SEMA3E: variants seen among roughly 807,000 people sequenced by gnomAD.
SEMA3E encodes semaphorin-3E.
In SEMA3E, 49 loss-of-function variants were observed where a neutral mutation model predicts 93.6. The ratio of observed to expected loss-of-function variants is 0.52; its 90% CI spans 0.42 to 0.66. The LOEUF is 0.66. Among genes scored for constraint, SEMA3E ranks in the 30% least tolerant of loss-of-function variants. SEMA3E has a pLI of 0.00. For missense variants in SEMA3E, 906 were observed against 964.8 expected, an observed-to-expected ratio of 0.94 and a Z score of 0.81; for synonymous variants, 363 against 330.7, an observed-to-expected ratio of 1.10 and a Z score of -1.06.
chr7:83,469,095 G>C (rs912275285), intron 3 of SEMA3E, 148 bp downstream of exon 3: 2 of 614,870 alleles, frequency 3.3e-6, no homozygotes, highest in Non-Finnish European at 5.7e-6. Flanking sequence ...ACATAATTAT[G>C]TTTTATATGC....
At position 83,517,155 on chromosome 7, in the gene SEMA3E, G is replaced by T. The variant is rs113817411; in HGVS notation, c.116-26881C>A. Among the ~76,000 whole-genome samples the T allele has an allele frequency of 4.3e-3, 658 of 152,204 alleles. 8 individuals carry two copies. Among genetic ancestry groups the T allele is most frequent in the African/African-American group, 0.015 (633 of 41,530 alleles). ...GCACATGCATTTAAATTGAGCATCT[G>T]CATTAACAGGAAAGTCTTCAGCAAT... On this transcript the variant is annotated intron_variant, in intron 1 of 16. Coordinates refer to ENST00000643230, the MANE Select transcript of SEMA3E (RefSeq NM_012431.3).
chr7:83,588,775 C>T (rs563005881), intron 1 of SEMA3E, among the ~76,000 whole-genome samples: 2 of 152,208 alleles, frequency 1.3e-5, no homozygotes, highest in East Asian at 1.9e-4. Flanking sequence ...TGAGTCATAA[C>T]AATAAAAAGC....
intron 1 of SEMA3E, among the ~76,000 whole-genome samples, chr7:83,524,167 G>A (rs914068783): frequency 6.6e-6 from 1 of 152,184 alleles, no homozygotes; most frequent in East Asian, 1.9e-4. Flanking sequence ...CATAGACCTT[G>A]TAAGATAGTT....
intron 2 of SEMA3E, among the ~76,000 whole-genome samples, chr7:83,472,454 A>G (rs1040406829): frequency 6.6e-6 from 1 of 152,138 alleles, no homozygotes; most frequent in Non-Finnish European, 1.5e-5. Context: ...TCAGTTCCCA[A>G]ATGTTTTTGT....
At position 83,407,187 on chromosome 7, in the gene SEMA3E, G is replaced by A. The variant is rs1478834233; in HGVS notation, c.723C>T (p.Asp241=). The A allele has an allele frequency of 6.2e-7, 1 of 1,613,330 alleles. No homozygotes were observed. Among genetic ancestry groups the A allele is most frequent in the Non-Finnish European group, 8.5e-7 (1 of 1,179,700 alleles). The change falls in exon 7 of 17, where the codon GAC becomes GAT. Residue 241 remains aspartate (D), a synonymous_variant. Coordinates refer to ENST00000643230, the MANE Select transcript of SEMA3E (RefSeq NM_012431.3). ...CAGTAAAAAAGAAATATACTTTGTT[G>A]TCATCTCTGTCTTCATTGTCAGGAA... The part of the protein sequence containing the change: ...YMIPDNEDRD[D]NKVYFFFTEK...
At chr7:83,553,311 C>T (rs1452054976) in intron 1 of SEMA3E, among the ~76,000 whole-genome samples, 1 of 152,170 alleles carries the variant, frequency 6.6e-6, no homozygotes, top group Admixed American at 6.5e-5. Context: ...TCCCTACAGT[C>T]CTCCACTTAG....
intron 1 of SEMA3E, among the ~76,000 whole-genome samples, chr7:83,647,032 C>T (rs927601645): frequency 6.6e-6 from 1 of 152,134 alleles, no homozygotes; most frequent in African/African-American, 2.4e-5. Flanking sequence ...TGATGATAAA[C>T]TTCTTAGAAA....
chr7:83,396,842 G>A, intron 11 of SEMA3E, 113 bp from the exon 12 acceptor site: 1 of 709,852 alleles, frequency 1.4e-6, no homozygotes, highest in South Asian at 1.5e-5. Context: ...ACTTTGGGAG[G>A]CCAAGATGGG....
intron 6 of SEMA3E, 129 bp downstream of exon 6, chr7:83,408,239 T>C: frequency 1.0e-6 from 1 of 992,938 alleles, no homozygotes; most frequent in African/African-American, 1.6e-5. Flanking sequence ...AGAATGTTGC[T>C]AGTAAAACAT....
At chr7:83,496,946 C>T (rs1562807112) in intron 1 of SEMA3E, among the ~76,000 whole-genome samples, 3 of 152,092 alleles carry the variant, frequency 2.0e-5, no homozygotes, top group South Asian at 4.1e-4. Flanking sequence ...GCAAGCTCAT[C>T]TTGAGTTCCT....
At chr7:83,428,005 C>A (rs1788806228) in intron 4 of SEMA3E, among the ~76,000 whole-genome samples, 1 of 152,158 alleles carries the variant, frequency 6.6e-6, no homozygotes, top group Admixed American at 6.5e-5. Context: ...AGAAATTTTT[C>A]AATGGCTTCT....
At chr7:83,625,879 C>T (rs1362113589) in intron 1 of SEMA3E, among the ~76,000 whole-genome samples, 1 of 152,054 alleles carries the variant, frequency 6.6e-6, no homozygotes, top group South Asian at 2.1e-4. Context: ...AGATACATTC[C>T]ATCAATACCT....
rs1039903292 is a variant in SEMA3E at position 83,421,570 on chromosome 7, T to C, written c.457-3087A>G. 1.7e-4 allele frequency among the ~76,000 whole-genome samples: 24 copies of C among 142,302 alleles called. 1 individual carries two copies. Among genetic ancestry groups the C allele is most frequent in the Non-Finnish European group, 1.3e-4 (8 of 62,560 alleles). 93.4% of individuals were successfully genotyped at this position (142,302 alleles called of 152,430 possible). On this transcript the variant is annotated intron_variant, in intron 4 of 16. Coordinates refer to ENST00000643230, the MANE Select transcript of SEMA3E (RefSeq NM_012431.3). The stretch of plus-strand genomic sequence containing the variant: ...AAAACTAATTTAAAATAGAACATCA[T>C]GATATTGCTCAATTTGGCAACTATG...
intron 1 of SEMA3E, among the ~76,000 whole-genome samples, chr7:83,630,131 T>C (rs1793757818): frequency 6.6e-6 from 1 of 152,046 alleles, no homozygotes; most frequent in Non-Finnish European, 1.5e-5. Context: ...GTCTAACCAG[T>C]CCCAATGAGA....
intron 1 of SEMA3E, among the ~76,000 whole-genome samples, chr7:83,561,181 T>C (rs531515855): frequency 4.0e-4 from 61 of 152,186 alleles, no homozygotes; most frequent in Middle Eastern, 3.4e-3. Context: ...AATAAGTTAA[T>C]GAGTTGAGAA....
intron 1 of SEMA3E, among the ~76,000 whole-genome samples, chr7:83,635,425 C>A (rs1013606792): frequency 4.6e-5 from 7 of 151,468 alleles, no homozygotes; most frequent in Non-Finnish European, 7.4e-5. Context: ...CTTCCCATTT[C>A]TATTTTTATT....
chr7:83,520,378 G>T (rs1396219021), intron 1 of SEMA3E, among the ~76,000 whole-genome samples: 1 of 152,094 alleles, frequency 6.6e-6, no homozygotes, highest in Non-Finnish European at 1.5e-5. Flanking sequence ...CTTGGCAACA[G>T]AATCAACATT....
intron 2 of SEMA3E, among the ~76,000 whole-genome samples, chr7:83,485,687 T>C (rs1324956318): frequency 6.6e-6 from 1 of 152,008 alleles, no homozygotes; most frequent in Non-Finnish European, 1.5e-5. Context: ...GGAAAATATA[T>C]AATAAAATAA....
intron 1 of SEMA3E, among the ~76,000 whole-genome samples, chr7:83,555,662 G>A (rs1335249849): frequency 6.6e-6 from 1 of 152,100 alleles, no homozygotes; most frequent in Admixed American, 6.6e-5. Context: ...GGAGAAAAAA[G>A]GTACCTAGAA....
Sources: gnomAD v4.1 joint callset for allele counts (sites outside exome capture counted in the v4.1 genomes callset) on GRCh38, gnomAD v4.1.1 for gene constraint, MANE v1.5 for transcripts, NCBI Gene and HGNC (gene_info 2026-07-23, HGNC 2026-07-21) for gene names.